Variants in ZYG11B observed in about 807,000 individuals in gnomAD.
ZYG11B encodes the protein zyg-11 family member B, cell cycle regulator, also known as protein zyg-11 homolog B.
ZYG11B carries 36 observed loss-of-function variants against 82.4 expected under a neutral mutation model. The observed-to-expected ratio is 0.44, with a 90% confidence interval of 0.33 to 0.58. The LOEUF is 0.58. Among genes scored for constraint, ZYG11B ranks in the 20% least tolerant of loss-of-function variants. The pLI is 0.02. For missense variants in ZYG11B, 552 were observed against 895.6 expected, an observed-to-expected ratio of 0.62 and a Z score of 4.90; for synonymous variants, 303 against 312.8, an observed-to-expected ratio of 0.97 and a Z score of 0.33.
At chr1:52,741,257 C>T (rs1382300903) in intron 1 of ZYG11B, among the ~76,000 whole-genome samples, 1 of 131,652 alleles carries the variant, frequency 7.6e-6, no homozygotes, top group East Asian at 2.6e-4. Flanking sequence ...GAGATTGCAC[C>T]ATTGCACTCC....
intron 4 of ZYG11B, among the ~76,000 whole-genome samples, chr1:52,780,197 G>A (rs1644843681): frequency 6.6e-6 from 1 of 152,140 alleles, no homozygotes; most frequent in Non-Finnish European, 1.5e-5. Context: ...ATCTCATTAA[G>A]CAATATAAAT....
Position 52,813,884 on chromosome 1 carries a change from A to G in ZYG11B, c.1918A>G (p.Thr640Ala), listed in dbSNP as rs747890442. 2 of 1,613,816 alleles carry G rather than the reference A, an allele frequency of 1.2e-6. No individual in the cohort carries two copies. Among genetic ancestry groups the G allele is most frequent in the East Asian group, 2.2e-5 (1 of 44,880 alleles). ...GCATTCAGCTATTTTGAAATGGCCA[A>G]CTCCAGAGTGTGAGATGGTAGCATA... is the stretch of plus-strand genomic sequence containing the variant. Reference protein sequence around the residue: ...DLHSAILKWPTPECEMVAYRS... With the variant: ...DLHSAILKWPAPECEMVAYRS... The change falls in exon 12 of 14, where the codon ACT becomes GCT. Residue 640 changes from threonine (T) to alanine (A), a missense_variant. Physicochemically the swap from Thr to Ala is moderately conservative, Grantham distance 58 (BLOSUM62 0). Around this residue, in one of 3 missense-constraint regions of ZYG11B, gnomAD observed 127 missense variants for 163.4 expected, o/e 0.78. Transcript: ENST00000294353.
At chr1:52,742,923 C>T (rs1644443852) in intron 1 of ZYG11B, among the ~76,000 whole-genome samples, 1 of 151,140 alleles carries the variant, frequency 6.6e-6, no homozygotes, top group Non-Finnish European at 1.5e-5. Flanking sequence ...GCCGCCCCGT[C>T]CGGGAGGGAG....
intron 2 of ZYG11B, among the ~76,000 whole-genome samples, chr1:52,770,086 A>AT (rs1170340563): frequency 9.6e-5 from 7 of 72,774 alleles, no homozygotes; most frequent in African/African-American, 2.0e-4. Flanking sequence ...ATATATATAT[A>AT]TATATATTTT....
chr1:52,789,997 C>A lies in ZYG11B; in HGVS notation c.1270-6C>A. 6.5e-7 allele frequency: 1 copy of A among 1,547,386 alleles called. No individual in the cohort carries two copies. The highest frequency in any genetic ancestry group is 2.3e-5 in the East Asian group (1 of 42,676). On this transcript the variant is annotated splice_region_variant and splice_polypyrimidine_tract_variant and intron_variant, in intron 5 of 13. Transcript: ENST00000294353. ...TTAGGATTTTTTTCTTCCTTTGATT[C>A]TTTAGTTACAGAAGAATTGCCTCCT...
rs750734960 is a variant in ZYG11B, at chr1:52,789,966, T to C, written c.1270-37T>C. 4.7e-6 allele frequency: 7 copies of C among 1,487,306 alleles called. No individual in the cohort carries two copies. In the African/African-American group the frequency reaches 8.4e-5, roughly 18 times the overall value. 92.1% of individuals were successfully genotyped at this position (1,487,306 alleles called of 1,614,324 possible). The stretch of plus-strand genomic sequence containing the variant: ...ATGGTTAAAATATAACAAAGTGATA[T>C]TTTATTTAGGATTTTTTTCTTCCTT... On this transcript the variant is annotated intron_variant, in intron 5 of 13. Coordinates refer to ENST00000294353, the MANE Select transcript of ZYG11B (RefSeq NM_024646.3).
At chr1:52,761,692 A>G (rs1392901612) in intron 2 of ZYG11B, among the ~76,000 whole-genome samples, 1 of 152,162 alleles carries the variant, frequency 6.6e-6, no homozygotes, top group African/African-American at 2.4e-5. Context: ...TTTCCTTTGA[A>G]TAAATGTCCA....
chr1:52,733,399 G>A (rs986335853), intron 1 of ZYG11B, among the ~76,000 whole-genome samples: 6 of 152,114 alleles, frequency 3.9e-5, no homozygotes, highest in Non-Finnish European at 5.9e-5. Flanking sequence ...GGTGGCTCAC[G>A]CCTGTAATCC....
chr1:52,811,892 A>G lies in ZYG11B; in HGVS notation c.1696-1644A>G, dbSNP rs540676539. Reference sequence around the variant, plus strand: ...AAAAATACAAAAAAATTAGCCAGGCATGGTAGCGGTTGCCTGTAGCCCCAG... The same window carrying G: ...AAAAATACAAAAAAATTAGCCAGGCGTGGTAGCGGTTGCCTGTAGCCCCAG... On this transcript the variant is annotated intron_variant, in intron 10 of 13. Transcript: ENST00000294353. Among the ~76,000 whole-genome samples the G allele has an allele frequency of 1.6e-4, 25 of 152,140 alleles. No homozygotes were observed. In the South Asian group the frequency reaches 3.3e-3, roughly 20 times the overall value.
intron 1 of ZYG11B, among the ~76,000 whole-genome samples, chr1:52,740,575 T>C (rs1049785969): frequency 1.3e-5 from 2 of 150,618 alleles, no homozygotes; most frequent in African/African-American, 2.4e-5. Flanking sequence ...CTTTTTTTTT[T>C]TTTTTTTTTT....
chr1:52,798,292 T>A lies in ZYG11B; in HGVS notation c.1485+1508T>A, dbSNP rs116961237. Among the ~76,000 whole-genome samples, 15 of 152,126 alleles carry A rather than the reference T, an allele frequency of 9.9e-5. No homozygotes were observed. In the East Asian group the frequency reaches 2.9e-3, roughly 30 times the overall value. ...ACTTTGTGAATTTGGGAAAATTACTTGAACCATTGGGGTCTACATAAGTGT... is the reference window on the plus strand; with the variant it reads ...ACTTTGTGAATTTGGGAAAATTACTAGAACCATTGGGGTCTACATAAGTGT... On this transcript the variant is annotated intron_variant, in intron 8 of 13. Coordinates refer to ENST00000294353, the MANE Select transcript of ZYG11B (RefSeq NM_024646.3).
intron 2 of ZYG11B, among the ~76,000 whole-genome samples, chr1:52,767,006 CA>C (rs113377024): frequency 2.3e-4 from 32 of 138,378 alleles, no homozygotes; most frequent in East Asian, 1.7e-3. Flanking sequence ...GACTCCGTCT[CA>C]AAAAAAAAAA....
chr1:52,774,307 AT>A (rs372279550), intron 3 of ZYG11B, among the ~76,000 whole-genome samples: 158 of 127,518 alleles, frequency 1.2e-3, no homozygotes, highest in South Asian at 1.5e-3. Context: ...TAACTGGCTA[AT>A]TTTTTTTTTT....
At chr1:52,747,065 A>T (rs1337540574) in intron 1 of ZYG11B, among the ~76,000 whole-genome samples, 1 of 151,740 alleles carries the variant, frequency 6.6e-6, no homozygotes, top group Non-Finnish European at 1.5e-5. Flanking sequence ...GCATCCTCAT[A>T]TACAAAATGG....
chr1:52,816,835 C>T (rs1645228766), intron 13 of ZYG11B, among the ~76,000 whole-genome samples: 1 of 129,498 alleles, frequency 7.7e-6, no homozygotes, highest in South Asian at 2.3e-4. Flanking sequence ...GTTCCCCAGG[C>T]TGGAGTACAG....
Position 52,821,860 on chromosome 1 carries a change from T to A in ZYG11B, c.*231T>A, listed in dbSNP as rs1306967604. 3 of 379,124 alleles carry A rather than the reference T, an allele frequency of 7.9e-6. No homozygotes were observed. The highest frequency in any genetic ancestry group is 1.4e-5 in the Non-Finnish European group (3 of 213,238). The allele number at this position is 379,124 out of a possible 1,614,324, so 23.5% of individuals were successfully genotyped here. On this transcript the variant is annotated 3_prime_UTR_variant, in exon 14 of 14. Coordinates refer to ENST00000294353, the MANE Select transcript of ZYG11B (RefSeq NM_024646.3). ...CCTTTATCATTGCCTTTTAGGAAAT[T>A]TTCCACATCTTTCAGTGTTTGAACT...
At chr1:52,740,340 T>C (rs555907410) in intron 1 of ZYG11B, among the ~76,000 whole-genome samples, 5 of 152,354 alleles carry the variant, frequency 3.3e-5, no homozygotes, top group Admixed American at 2.0e-4. Flanking sequence ...CCTTGCCCTT[T>C]AGCACATATC....
chr1:52,743,468 G>A (rs1034002476), intron 1 of ZYG11B, among the ~76,000 whole-genome samples: 1 of 143,736 alleles, frequency 7.0e-6, no homozygotes, highest in Non-Finnish European at 1.5e-5. Context: ...GTAAGATAAT[G>A]TTAATTTATT....
intron 1 of ZYG11B, among the ~76,000 whole-genome samples, chr1:52,739,836 C>T (rs370328371): frequency 2.0e-5 from 3 of 152,138 alleles, no homozygotes; most frequent in Admixed American, 6.6e-5. Flanking sequence ...GAACTCCTGA[C>T]CTCAAGTGAT....
Sources: allele counts gnomAD v4.1 joint callset (sites outside exome capture counted in the v4.1 genomes callset), GRCh38; gene constraint gnomAD v4.1.1; regional missense constraint gnomAD v4.1.1; transcripts MANE v1.5; gene names NCBI Gene and HGNC (gene_info 2026-07-23, HGNC 2026-07-21).